Variants in COL21A1 observed in about 807,000 individuals in gnomAD.
COL21A1 encodes collagen type XXI alpha 1 chain.
Under a neutral mutation model 137.9 loss-of-function variants are expected in COL21A1, and 149 were observed. The ratio of observed to expected loss-of-function variants is 1.08; its 90% confidence interval spans 0.95 to 1.24. The LOEUF (loss-of-function observed/expected upper bound fraction) is 1.24, where lower values mean the gene tolerates loss of function less well. Ranked by LOEUF, COL21A1 falls within the 50% of genes most tolerant of loss-of-function variation. The pLI, the probability that COL21A1 is intolerant of heterozygous loss-of-function variation, is 0.00. For missense variants in COL21A1, 1,167 were observed against 1,158.4 expected (o/e 1.01, Z -0.11); for synonymous variants, 456 against 391.5 (o/e 1.16, Z -1.95).
At chr6:56,384,795 A>C (rs562509572) in intron 1 of COL21A1, among the ~76,000 whole-genome samples, 1 of 152,210 alleles carries the variant, frequency 6.6e-6, no homozygotes, top group Non-Finnish European at 1.5e-5. Context: ...CTGTGGACTA[A>C]ATTCTGTACA....
At position 56,256,657 on chromosome 6, in the gene COL21A1, A is replaced by G. The variant is rs1050631296; in HGVS notation, c.-38-74001T>C. ...ATATAGACTTAAGATTTTCAAGCCTAATTATCTGTTCTCTCCCTTCTCTGG... is the reference window on the plus strand; with the variant it reads ...ATATAGACTTAAGATTTTCAAGCCTGATTATCTGTTCTCTCCCTTCTCTGG... On this transcript the variant is annotated intron_variant, in intron 1 of 28. Coordinates refer to the COL21A1 transcript ENST00000370819. Among the ~76,000 whole-genome samples the G allele has an allele frequency of 9.2e-5, 14 of 152,190 alleles. No individual in the cohort carries two copies. The East Asian group carries it at 2.7e-3, about 29-fold the overall frequency.
chr6:56,211,620 T>C (rs1780182229), intron 1 of COL21A1, among the ~76,000 whole-genome samples: 1 of 152,102 alleles, frequency 6.6e-6, no homozygotes, highest in African/African-American at 2.4e-5. Context: ...TTTGCAGTGT[T>C]TCTAGAAGAA....
rs1765700975 is a variant in COL21A1 at position 56,060,557 on chromosome 6, G to T, written c.2407+184C>A. The T allele has an allele frequency of 1.6e-5, 8 of 496,856 alleles. No individual in the cohort carries two copies. The East Asian group carries it at 2.4e-4, about 15-fold the overall frequency. 30.8% of individuals were successfully genotyped at this position (496,856 alleles called of 1,614,324 possible). On this transcript the variant is annotated intron_variant, in intron 27 of 29. Transcript: ENST00000244728. ...AAATAATAAATGTCTTTATTAAAAA[G>T]ATTATAAAAGAGTATATATGATAAA...
intron 16 of COL21A1, among the ~76,000 whole-genome samples, chr6:56,120,361 C>G (rs1348135225): frequency 6.6e-6 from 1 of 152,148 alleles, no homozygotes; most frequent in African/African-American, 2.4e-5. Context: ...CATCTTACTC[C>G]AGTTAAAATG....
At chr6:56,125,078 T>A (rs1478569044) in intron 14 of COL21A1, among the ~76,000 whole-genome samples, 1 of 131,560 alleles carries the variant, frequency 7.6e-6, no homozygotes, top group Non-Finnish European at 1.5e-5. Flanking sequence ...TGGAGTGCAG[T>A]GGCGTGATCT....
At chr6:56,306,900 T>C (rs1044113941) in intron 1 of COL21A1, among the ~76,000 whole-genome samples, 2 of 152,166 alleles carry the variant, frequency 1.3e-5, no homozygotes, top group Admixed American at 6.5e-5. Context: ...GATGGGGTTT[T>C]GGTGTGGATG....
chr6:56,344,040 C>T (rs1163416385), intron 1 of COL21A1, among the ~76,000 whole-genome samples: 1 of 152,150 alleles, frequency 6.6e-6, no homozygotes, highest in Non-Finnish European at 1.5e-5. Context: ...AGAGTGACTC[C>T]AATTTCAAAA....
At chr6:56,338,360 T>C (rs552772163) in intron 1 of COL21A1, among the ~76,000 whole-genome samples, 2 of 152,266 alleles carry the variant, frequency 1.3e-5, no homozygotes, top group South Asian at 4.1e-4. Context: ...TGTCATACTC[T>C]CTAGAAGGCA....
intron 1 of COL21A1, among the ~76,000 whole-genome samples, chr6:56,260,639 G>GAAA (rs1562028799): frequency 2.0e-5 from 1 of 49,444 alleles, no homozygotes; most frequent in African/African-American, 5.7e-5. Flanking sequence ...AAGGAAGGAA[G>GAAA]GAAGGAAGGA....
At chr6:56,082,974 TATAAAA>T (rs1207577710) in intron 17 of COL21A1, among the ~76,000 whole-genome samples, 2 of 120,742 alleles carry the variant, frequency 1.7e-5, no homozygotes, top group Non-Finnish European at 3.4e-5. Context: ...CCCATTTTCT[TATAAAA>T]ATAATGAAAC....
chr6:56,348,003 C>T (rs1765631994), intron 1 of COL21A1, among the ~76,000 whole-genome samples: 1 of 152,122 alleles, frequency 6.6e-6, no homozygotes, highest in African/African-American at 2.4e-5. Context: ...CTCACTATGG[C>T]TCACATTACT....
intron 1 of COL21A1, among the ~76,000 whole-genome samples, chr6:56,329,352 C>T (rs765176691): frequency 2.0e-5 from 3 of 152,020 alleles, no homozygotes; most frequent in Non-Finnish European, 4.4e-5. Context: ...GCCCCAGTTG[C>T]ATGGCTGTGG....
upstream of COL21A1, among the ~76,000 whole-genome samples, chr6:56,250,007 A>G (rs1054293496): frequency 6.6e-6 from 1 of 152,368 alleles, no homozygotes; most frequent in Non-Finnish European, 1.5e-5. Flanking sequence ...ACTGTAAAAT[A>G]TTCCTCTAAA....
At chr6:56,167,333 C>T (rs1000358728) in intron 6 of COL21A1, among the ~76,000 whole-genome samples, 1 of 152,158 alleles carries the variant, frequency 6.6e-6, no homozygotes, top group Non-Finnish European at 1.5e-5. Flanking sequence ...ATCTCCACAA[C>T]ATTCCTGATG....
intron 1 of COL21A1, among the ~76,000 whole-genome samples, chr6:56,217,077 G>A (rs1319618771): frequency 6.6e-6 from 1 of 152,036 alleles, no homozygotes; most frequent in African/African-American, 2.4e-5. Flanking sequence ...AAGGTGTAGA[G>A]TTTGGGTACT....
chr6:56,221,256 C>T (rs1780811829), intron 1 of COL21A1, among the ~76,000 whole-genome samples: 1 of 152,070 alleles, frequency 6.6e-6, no homozygotes, highest in Admixed American at 6.6e-5. Flanking sequence ...TATTAGAAAT[C>T]ACTGATTTAG....
intron 1 of COL21A1, among the ~76,000 whole-genome samples, chr6:56,212,625 A>AG (rs1417296512): frequency 6.6e-4 from 100 of 152,250 alleles, no homozygotes; most frequent in Non-Finnish European, 1.0e-4. Flanking sequence ...GAGAAGACCT[A>AG]GGAAAAAACT....
At chr6:56,287,564 T>C (rs1183194490) in intron 1 of COL21A1, among the ~76,000 whole-genome samples, 2 of 152,098 alleles carry the variant, frequency 1.3e-5, no homozygotes, top group African/African-American at 4.8e-5. Flanking sequence ...GAAGAAGATG[T>C]GCTTCCTTCC....
intron 16 of COL21A1, among the ~76,000 whole-genome samples, chr6:56,117,933 C>T (rs1440427754): frequency 6.6e-6 from 1 of 151,596 alleles, no homozygotes; most frequent in Non-Finnish European, 1.5e-5. Flanking sequence ...ACAGCAAAAA[C>T]AGTAGTAAGA....
Sources: allele counts gnomAD v4.1 joint callset (sites outside exome capture counted in the v4.1 genomes callset), GRCh38; gene constraint gnomAD v4.1.1; transcripts MANE v1.5; gene names NCBI Gene and HGNC (gene_info 2026-07-23, HGNC 2026-07-21).